TNRC6A: variants seen among roughly 807,000 people sequenced by gnomAD.
TNRC6A encodes trinucleotide repeat containing adaptor 6A.
In TNRC6A, 44 loss-of-function variants were observed where a neutral mutation model predicts 221.2. That is an observed-to-expected ratio of 0.20 (90% confidence interval 0.16 to 0.26). The LOEUF (loss-of-function observed/expected upper bound fraction) is 0.26, where lower values mean the gene tolerates loss of function less well. TNRC6A is among the 10% of genes least tolerant of loss of function. The pLI, the probability that TNRC6A is intolerant of heterozygous loss-of-function variation, is 1.00. For synonymous variants in TNRC6A, 847 were observed against 838.5 expected (o/e 1.01, Z -0.18); for missense variants, 2,199 against 2,404.4 (o/e 0.91, Z 1.79).
At position 24,707,350 on chromosome 16, in the gene TNRC6A, G is replaced by A. The variant is rs3221803; in HGVS notation, n.403-43376G>A. Among the ~76,000 whole-genome samples, 181 of 149,626 alleles carry A rather than the reference G, an allele frequency of 1.2e-3. 1 individual carries two copies. Among genetic ancestry groups the A allele is most frequent in the Middle Eastern group, 0.01 (3 of 288 alleles). ...AACAGGATGAAAGGGGAACATGGGC[G>A]CACACACACACACACACACACACAC... On this transcript the variant is annotated intron_variant and non_coding_transcript_variant, in intron 2 of 2. Coordinates refer to the TNRC6A transcript ENST00000566108.
At chr16:24,683,912 C>A (rs1160672784) in intron 2 of TNRC6A, among the ~76,000 whole-genome samples, 1 of 152,188 alleles carries the variant, frequency 6.6e-6, no homozygotes, top group Non-Finnish European at 1.5e-5. Flanking sequence ...GATGTGTGAG[C>A]TCTCCCTAAT....
chr16:24,749,596 G>C (rs1351386771), intron 2 of TNRC6A, among the ~76,000 whole-genome samples: 1 of 152,174 alleles, frequency 6.6e-6, no homozygotes, highest in Non-Finnish European at 1.5e-5. Context: ...AGCTCCACCA[G>C]AAAGGATGGT....
At chr16:24,697,932 G>A (rs559752404) in intron 2 of TNRC6A, among the ~76,000 whole-genome samples, 4 of 151,024 alleles carry the variant, frequency 2.6e-5, no homozygotes, top group Non-Finnish European at 4.4e-5. Flanking sequence ...CCCAGCTATC[G>A]GAAGACTGAA....
At chr16:24,650,672 AAAAAAGAAAGAAAG>A (rs1327583066) in intron 2 of TNRC6A, among the ~76,000 whole-genome samples, 1 of 151,652 alleles carries the variant, frequency 6.6e-6, no homozygotes, top group Non-Finnish European at 1.5e-5. Context: ...CTCAAAAAAA[AAAAAAGAAAGAAAG>A]AAAAAAAGGA....
At chr16:24,822,174 T>C (rs1296799834) in intron 23 of TNRC6A, 27 bp downstream of exon 23, 7 of 1,609,466 alleles carry the variant, frequency 4.3e-6, no homozygotes, top group Non-Finnish European at 5.1e-6. Flanking sequence ...CGCTGGTTTA[T>C]GTGGCTACGC....
chr16:24,656,406 G>A (rs1024657583), intron 2 of TNRC6A, among the ~76,000 whole-genome samples: 3 of 148,904 alleles, frequency 2.0e-5, no homozygotes, highest in African/African-American at 4.9e-5. Flanking sequence ...GGCGGAGGTT[G>A]CAGTGAGCCA....
At chr16:24,717,828 A>G (rs1354620131) in intron 2 of TNRC6A, among the ~76,000 whole-genome samples, 1 of 143,002 alleles carries the variant, frequency 7.0e-6, no homozygotes, top group Admixed American at 7.4e-5. Flanking sequence ...CTGGAGTGCA[A>G]TGGTGCCACC....
chr16:24,699,294 T>C (rs2055922817), intron 2 of TNRC6A, among the ~76,000 whole-genome samples: 1 of 151,986 alleles, frequency 6.6e-6, no homozygotes, highest in African/African-American at 2.4e-5. Flanking sequence ...TCACATGGTG[T>C]GAAAGTGGGC....
At chr16:24,744,828 G>A (rs959644934) in intron 2 of TNRC6A, among the ~76,000 whole-genome samples, 8 of 151,986 alleles carry the variant, frequency 5.3e-5, no homozygotes, top group African/African-American at 1.5e-4. Context: ...ATATGTACAC[G>A]TCTCCAGAAT....
At chr16:24,638,531 G>A (rs1252898007) in intron 1 of TNRC6A, among the ~76,000 whole-genome samples, 1 of 152,042 alleles carries the variant, frequency 6.6e-6, no homozygotes, top group Non-Finnish European at 1.5e-5. Flanking sequence ...TGGCCAACAT[G>A]GTGAAACCCT....
chr16:24,783,677 C>T (rs140783678), intron 5 of TNRC6A, among the ~76,000 whole-genome samples: 2 of 152,246 alleles, frequency 1.3e-5, no homozygotes, highest in Admixed American at 1.3e-4. Flanking sequence ...AGCATTGCAG[C>T]GTATAAACAT....
intron 1 of TNRC6A, among the ~76,000 whole-genome samples, chr16:24,611,642 T>C (rs1304247460): frequency 6.6e-6 from 1 of 152,112 alleles, no homozygotes; most frequent in Admixed American, 6.5e-5. Flanking sequence ...CTTTGCAGAA[T>C]GAGGCAGCAT....
intron 11 of TNRC6A, among the ~76,000 whole-genome samples, chr16:24,798,329 G>GT (rs1384561636): frequency 1.3e-5 from 2 of 152,190 alleles, no homozygotes; most frequent in Non-Finnish European, 2.9e-5. Context: ...AAGAAAAACA[G>GT]TTTTGGTGGG....
intron 5 of TNRC6A, among the ~76,000 whole-genome samples, chr16:24,781,827 CTTT>C (rs532953420): frequency 1.4e-5 from 2 of 145,004 alleles, no homozygotes; most frequent in Admixed American, 6.9e-5. Context: ...GATTTTAACT[CTTT>C]TTTTTTTTTT....
At position 24,786,226 on chromosome 16, in the gene TNRC6A, A is replaced by G. The variant is rs558230796; in HGVS notation, c.590-3006A>G. On this transcript the variant is annotated intron_variant, in intron 5 of 24. Coordinates refer to ENST00000395799, the MANE Select transcript of TNRC6A (RefSeq NM_014494.4). ...GATAATCATTAGCATGCATTTATCA[A>G]TGATAATAATGGCCCTCATTTATTA... 6.6e-5 allele frequency among the ~76,000 whole-genome samples: 10 copies of G among 152,322 alleles called. No individual in the cohort carries two copies. In the South Asian group the frequency reaches 2.1e-3, roughly 32 times the overall value.
In TNRC6A at chr16:24,804,429, C is replaced by A. The variant is rs532244517; in HGVS notation, c.3837+110C>A. 1,519 of 1,285,086 alleles carry A rather than the reference C, an allele frequency of 1.2e-3. 4 individuals are homozygous for A. Among genetic ancestry groups the A allele is most frequent in the Non-Finnish European group, 1.5e-3 (1,431 of 947,926 alleles). 79.6% of individuals were successfully genotyped at this position (1,285,086 alleles called of 1,614,324 possible). A position where few individuals can be genotyped will look rare whatever the true frequency, so the allele number is the denominator to read the frequency against. ...ATATAATATAAAGTGTTACAATCCA[C>A]TACCAAATCTTATTACTGGATTTTG... On this transcript the variant is annotated intron_variant, in intron 12 of 24. Coordinates refer to ENST00000395799, the MANE Select transcript of TNRC6A (RefSeq NM_014494.4).
intron 19 of TNRC6A, chr16:24,816,309 A>G (rs1377574313): frequency 6.6e-6 from 1 of 150,928 alleles, no homozygotes; most frequent in Non-Finnish European, 1.5e-5. Flanking sequence ...AGCCTGGGCA[A>G]CAGAGCGAGA....
At chr16:24,675,729 T>C (rs1596652979) in intron 2 of TNRC6A, among the ~76,000 whole-genome samples, 1 of 131,044 alleles carries the variant, frequency 7.6e-6, no homozygotes, top group Middle Eastern at 3.9e-3. Flanking sequence ...TATATATATA[T>C]ATATATATAT....
intron 21 of TNRC6A, chr16:24,819,507 C>CTTTCTTTTTTTTT (rs2058723412): frequency 1.2e-5 from 1 of 82,020 alleles, no homozygotes; most frequent in Non-Finnish European, 2.8e-5. Flanking sequence ...CTTTTTCTTT[C>CTTTCTTTTTTTTT]TTTTTTTTTT....
Sources: gnomAD v4.1 joint callset for allele counts (sites outside exome capture counted in the v4.1 genomes callset) on GRCh38, gnomAD v4.1.1 for gene constraint, MANE v1.5 for transcripts, NCBI Gene and HGNC (gene_info 2026-07-23, HGNC 2026-07-21) for gene names.